CACNA2D2: variants seen among roughly 807,000 people sequenced by gnomAD.
CACNA2D2 encodes the protein voltage-dependent calcium channel subunit alpha-2/delta-2.
A neutral mutation model predicts 166.4 loss-of-function variants in CACNA2D2; 48 were observed. The observed-to-expected ratio is 0.29, with a 90% CI of 0.23 to 0.37. The LOEUF (loss-of-function observed/expected upper bound fraction) is 0.37, where lower values mean the gene tolerates loss of function less well. Among genes scored for constraint, CACNA2D2 ranks in the 10% least tolerant of loss-of-function variants. The pLI, the probability that CACNA2D2 is intolerant of heterozygous loss-of-function variation, is 1.00. For missense variants in CACNA2D2, 1,122 were observed against 1,433.0 expected, an observed-to-expected ratio of 0.78 and a Z score of 3.50; for synonymous variants, 561 against 573.7, an observed-to-expected ratio of 0.98 and a Z score of 0.32.
intron 2 of CACNA2D2, among the ~76,000 whole-genome samples, chr3:50,462,555 T>C (rs1020521606): frequency 6.6e-6 from 1 of 151,982 alleles, no homozygotes; most frequent in African/African-American, 2.4e-5. Context: ...GTCAGGGCAA[T>C]GTCAACAGTG....
At chr3:50,377,423 C>T (rs761084525) in intron 17 of CACNA2D2, 44 bp downstream of exon 17, 1 of 1,503,138 alleles carries the variant, frequency 6.7e-7, no homozygotes, top group South Asian at 1.1e-5. Flanking sequence ...CTGCCTGTGT[C>T]CACATGGGAG....
intron 2 of CACNA2D2, among the ~76,000 whole-genome samples, chr3:50,437,556 C>T (rs1708407692): frequency 6.6e-6 from 1 of 152,214 alleles, no homozygotes; most frequent in Non-Finnish European, 1.5e-5. Flanking sequence ...TTCCCCTGAA[C>T]TTGCTCCAAT....
In CACNA2D2 at chr3:50,366,590, C is replaced by T; in HGVS notation, c.2625G>A (p.Glu875=). The part of the protein sequence containing the change: ...GPNSHCEMDC[E]VNNEDLLCVL... ...AGGGCACACACACCTCATTGTTAAC[C>T]TCGCAGTCCATCTCACAGTGGCTGT... The change falls in exon 30 of 38, where the codon GAG becomes GAA. Residue 875 remains glutamate, a synonymous_variant. Transcript: ENST00000424201. This position sits in a 1 kb window ranked among gnomAD's most constrained non-coding sequence, Gnocchi z 5.9. 1 of 1,614,038 alleles carries T rather than the reference C, an allele frequency of 6.2e-7. No individual in the cohort carries two copies.
chr3:50,431,360 G>T (rs1046499087), intron 3 of CACNA2D2, among the ~76,000 whole-genome samples: 1 of 152,180 alleles, frequency 6.6e-6, no homozygotes, highest in Non-Finnish European at 1.5e-5. Flanking sequence ...GAAGCATCTC[G>T]TGTGTCTACA....
intron 2 of CACNA2D2, among the ~76,000 whole-genome samples, chr3:50,445,434 C>T (rs1708798102): frequency 6.6e-6 from 1 of 152,176 alleles, no homozygotes; most frequent in Admixed American, 6.5e-5. Flanking sequence ...ATGCCTGGGC[C>T]ATCTCATTTA....
chr3:50,363,511 T>G lies in CACNA2D2; in HGVS notation c.*1155A>C, dbSNP rs1395966323. On this transcript the variant is annotated 3_prime_UTR_variant, in exon 38 of 38. Transcript: ENST00000424201. Reference sequence around the variant, plus strand: ...GTGTGTTCAGCAAGGGAGGGACAGTTTGGCCTCCTGCAAGCAGGGAGTGTG... The same window carrying G: ...GTGTGTTCAGCAAGGGAGGGACAGTGTGGCCTCCTGCAAGCAGGGAGTGTG... 3 of 373,258 alleles carry G rather than the reference T, an allele frequency of 8.0e-6. No homozygotes were observed. The highest frequency in any genetic ancestry group is 4.7e-5 in the Admixed American group (1 of 21,314). The allele number at this position is 373,258 out of a possible 1,614,324, so 23.1% of individuals were successfully genotyped here.
chr3:50,478,580 C>A (rs1452982691), intron 1 of CACNA2D2, among the ~76,000 whole-genome samples: 3 of 152,226 alleles, frequency 2.0e-5, no homozygotes, highest in Non-Finnish European at 4.4e-5. Flanking sequence ...ATGTCACCTA[C>A]TTTCTCGCTT....
intron 2 of CACNA2D2, among the ~76,000 whole-genome samples, chr3:50,453,640 G>A (rs1709207467): frequency 2.6e-5 from 4 of 152,230 alleles, no homozygotes; most frequent in Admixed American, 1.3e-4. Flanking sequence ...GGAAGGGGCT[G>A]CTCAGGATTT....
At position 50,365,993 on chromosome 3, in the gene CACNA2D2, G is replaced by T. The variant is rs761245324; in HGVS notation, c.2862+18C>A. On this transcript the variant is annotated intron_variant, in intron 32 of 37. Transcript: ENST00000424201. The surrounding 1 kb of genome is among the most constrained non-coding windows in gnomAD (Gnocchi z 4.5). ...CCAGTCCCCCCCATCTCCAGTCCAG[G>T]CATCTCTGGGGACTCACCACAAAGA... 1 of 1,611,160 alleles carries T rather than the reference G, an allele frequency of 6.2e-7. No individual in the cohort carries two copies. The highest frequency in any genetic ancestry group is 8.5e-7 in the Non-Finnish European group (1 of 1,178,818).
At chr3:50,378,763 T>C (rs766335937) in intron 13 of CACNA2D2, 152 bp downstream of exon 13, 11 of 884,560 alleles carry the variant, frequency 1.2e-5, no homozygotes, top group East Asian at 7.9e-5. Flanking sequence ...AGCCCCCAGA[T>C]AGAGTGAGGG....
At chr3:50,369,996 T>G (rs1575589914) in intron 23 of CACNA2D2, among the ~76,000 whole-genome samples, 1 of 151,916 alleles carries the variant, frequency 6.6e-6, no homozygotes, top group East Asian at 1.9e-4. Flanking sequence ...TGGCGAGGGG[T>G]GGGCATGCCA....
At chr3:50,445,849 C>T (rs1348383974) in intron 2 of CACNA2D2, among the ~76,000 whole-genome samples, 1 of 152,280 alleles carries the variant, frequency 6.6e-6, no homozygotes, top group African/African-American at 2.4e-5. Flanking sequence ...GATCTCTGAA[C>T]CCAGTCCATA....
chr3:50,374,543 G>A (rs1164900867), intron 22 of CACNA2D2, among the ~76,000 whole-genome samples, 194 bp downstream of exon 22: 3 of 152,042 alleles, frequency 2.0e-5, no homozygotes, highest in East Asian at 1.9e-4. Flanking sequence ...GTCTGGAACC[G>A]AATCTGAGAA....
chr3:50,393,749 G>A (rs1380343314), intron 4 of CACNA2D2, among the ~76,000 whole-genome samples: 1 of 152,208 alleles, frequency 6.6e-6, no homozygotes, highest in Non-Finnish European at 1.5e-5. Context: ...AGCATCTCTT[G>A]CAGGTCACTG....
At chr3:50,402,959 G>C (rs2236956) in intron 3 of CACNA2D2, among the ~76,000 whole-genome samples, 23,844 of 152,138 alleles carry the variant, frequency 0.16, 2,577 homozygotes, top group East Asian at 0.43. Flanking sequence ...GCATGGTGCT[G>C]CCTCCTGTCC....
At chr3:50,466,897 G>T (rs1709848942) in intron 2 of CACNA2D2, among the ~76,000 whole-genome samples, 1 of 152,240 alleles carries the variant, frequency 6.6e-6, no homozygotes. Flanking sequence ...TGCAAAAGCT[G>T]AAGGCAGCAG....
chr3:50,365,145 G>C lies in CACNA2D2; in HGVS notation c.3138C>G (p.Leu1046=), dbSNP rs1303270128. The C allele has an allele frequency of 1.9e-6, 3 of 1,612,076 alleles. No homozygotes were observed. Among genetic ancestry groups the C allele is most frequent in the South Asian group, 1.1e-5 (1 of 91,082 alleles). The change falls in exon 36 of 38, where the codon CTC becomes CTG. Residue 1046 remains leucine (L), a synonymous_variant. Transcript: ENST00000424201. The surrounding 1 kb of genome is among the most constrained non-coding windows in gnomAD (Gnocchi z 4.5). The part of the protein sequence containing the change: ...HAQRLTNTNL[L]FVVAEKPLCS... Reference sequence around the variant, plus strand: ...ACAGCGGCTTCTCGGCCACCACAAAGAGAAGATTGGTGTTGGTCAGTCTCT... The same window carrying C: ...ACAGCGGCTTCTCGGCCACCACAAACAGAAGATTGGTGTTGGTCAGTCTCT...
chr3:50,455,312 C>T (rs1709302997), intron 2 of CACNA2D2, among the ~76,000 whole-genome samples: 1 of 152,234 alleles, frequency 6.6e-6, no homozygotes, highest in South Asian at 2.1e-4. Context: ...GGCATAATCA[C>T]TCCGCTCTCT....
chr3:50,453,874 G>A (rs559373276), intron 2 of CACNA2D2, among the ~76,000 whole-genome samples: 3 of 152,204 alleles, frequency 2.0e-5, no homozygotes, highest in Admixed American at 6.5e-5. Flanking sequence ...GGGGAGCCCC[G>A]GTTTGGAGTG....
Sources: allele counts gnomAD v4.1 joint callset (sites outside exome capture counted in the v4.1 genomes callset), GRCh38; gene constraint gnomAD v4.1.1; non-coding constraint Gnocchi (gnomAD v3.1); transcripts MANE v1.5; gene names NCBI Gene and HGNC (gene_info 2026-07-23, HGNC 2026-07-21).